RAB11FIP1: variants seen among roughly 807,000 people sequenced by gnomAD.
RAB11FIP1 encodes the protein rab11 family-interacting protein 1.
RAB11FIP1 carries 49 observed loss-of-function variants against 83.1 expected under a neutral mutation model. That is an observed-to-expected ratio of 0.59 (90% CI 0.47 to 0.75). The LOEUF (loss-of-function observed/expected upper bound fraction) is 0.75. Ranked by LOEUF, RAB11FIP1 falls within the 30% of genes least tolerant of loss-of-function variation. The pLI, the probability that RAB11FIP1 is intolerant of heterozygous loss-of-function variation, is 0.00. For synonymous variants in RAB11FIP1, 670 were observed against 656.0 expected (o/e 1.02, Z -0.33); for missense variants, 1,536 against 1,598.7 (o/e 0.96, Z 0.67).
intron 1 of RAB11FIP1, among the ~76,000 whole-genome samples, chr8:37,885,484 A>G (rs1290941026): frequency 6.6e-6 from 1 of 151,972 alleles, no homozygotes. Flanking sequence ...GACAAGCAAA[A>G]CTGTGTATTA....
chr8:37,871,831 A>G lies in RAB11FIP1; in HGVS notation c.2971T>C (p.Ser991Pro). The G allele has an allele frequency of 1.2e-6, 2 of 1,614,112 alleles. No individual in the cohort carries two copies. Among genetic ancestry groups the G allele is most frequent in the African/African-American group, 2.7e-5 (2 of 75,014 alleles). ...AAAGCTCCTATGTCCAGAGTTGACG[A>G]CTTTGCTGTCTCTCCATCATCTTCA... ...QVEDDGETAK[S>P]STLDIGALSL... The change falls in exon 4 of 6, where the codon TCG (serine) becomes CCG (proline). Residue 991 changes from serine to proline, a missense_variant. Physicochemically the swap from Ser to Pro is moderately conservative, Grantham distance 74. Transcript: ENST00000330843.
intron 3 of RAB11FIP1, among the ~76,000 whole-genome samples, chr8:37,873,861 G>A (rs369329774): frequency 4.9e-5 from 7 of 143,664 alleles, no homozygotes; most frequent in African/African-American, 2.0e-4. Flanking sequence ...CAGTGTGTAT[G>A]TGTGTGTATA....
At position 37,899,054 on chromosome 8, in the gene RAB11FIP1, T is replaced by A. The variant is rs1486192038; in HGVS notation, c.371+17A>T. 6.8e-7 allele frequency: 1 copy of A among 1,460,576 alleles called. No individual in the cohort carries two copies. The highest frequency in any genetic ancestry group is 1.5e-5 in the African/African-American group (1 of 67,530). 90.5% of individuals were successfully genotyped at this position (1,460,576 alleles called of 1,614,324 possible). A position where few individuals can be genotyped will look rare whatever the true frequency, so the allele number is the denominator to read the frequency against. The stretch of plus-strand genomic sequence containing the variant: ...CGCGCCCCCAGGCCGGGCCCTCCCC[T>A]CCCCGCCCGCACTCACTGCGTCTTC... On this transcript the variant is annotated intron_variant, in intron 1 of 5. Transcript: ENST00000330843. The surrounding 1 kb of genome is among the most constrained non-coding windows in gnomAD (Gnocchi z 4.5).
intron 1 of RAB11FIP1, among the ~76,000 whole-genome samples, chr8:37,894,413 C>T (rs1003775370): frequency 2.0e-5 from 3 of 151,970 alleles, no homozygotes; most frequent in Admixed American, 6.6e-5. Context: ...TGCAGTTCTT[C>T]CAAGTATCTA....
At chr8:37,878,818 T>C (rs1242980551) in intron 1 of RAB11FIP1, among the ~76,000 whole-genome samples, 2 of 148,454 alleles carry the variant, frequency 1.3e-5, no homozygotes, top group South Asian at 2.2e-4. Flanking sequence ...TGGGCAATAT[T>C]GCGAGACTCC....
chr8:37,888,959 A>G (rs952267774), intron 1 of RAB11FIP1, among the ~76,000 whole-genome samples: 3 of 151,380 alleles, frequency 2.0e-5, no homozygotes, highest in African/African-American at 7.3e-5. Context: ...CACCGCGCCC[A>G]GCTAAATTTT....
At position 37,861,661 on chromosome 8, in the gene RAB11FIP1, T is replaced by A. The variant is rs1444379600; in HGVS notation, c.*1234A>T. ...TGGAGTGCAGTGGCACGATCTTGGC[T>A]CGCTGCAGCCTCCATCTCCCAAGTT... On this transcript the variant is annotated 3_prime_UTR_variant, in exon 6 of 6. Transcript: ENST00000330843. The A allele has an allele frequency of 4.1e-5, 17 of 418,446 alleles. No individual in the cohort carries two copies. Among genetic ancestry groups the A allele is most frequent in the Non-Finnish European group, 4.6e-6 (1 of 216,540 alleles). 25.9% of individuals were successfully genotyped at this position (418,446 alleles called of 1,614,324 possible). A position where few individuals can be genotyped will look rare whatever the true frequency, so the allele number is the denominator to read the frequency against.
At position 37,872,244 on chromosome 8, in the gene RAB11FIP1, G is replaced by T; in HGVS notation, c.2558C>A (p.Pro853His). Reference sequence around the variant, plus strand: ...GTCCTCTGCGTGGGGAGACTCAGGAGGCTCTCCGTCAGACGCGTTTCCAGC... The same window carrying T: ...GTCCTCTGCGTGGGGAGACTCAGGATGCTCTCCGTCAGACGCGTTTCCAGC... ...SVAGNASDGE[P>H]PESPHAEDSE... The change falls in exon 4 of 6, where the codon CCT (proline) becomes CAT (histidine). Residue 853 changes from proline to histidine, a missense_variant. Coordinates refer to ENST00000330843, the MANE Select transcript of RAB11FIP1 (RefSeq NM_001002814.3). 1 of 1,614,066 alleles carries T rather than the reference G, an allele frequency of 6.2e-7. No individual in the cohort carries two copies. Among genetic ancestry groups the T allele is most frequent in the African/African-American group, 1.3e-5 (1 of 75,032 alleles).
intron 1 of RAB11FIP1, 179 bp from the exon 2 acceptor site, chr8:37,877,730 T>C (rs1806647665): frequency 1.8e-6 from 1 of 541,062 alleles, no homozygotes; most frequent in South Asian, 2.5e-5. Context: ...TTTTTTTTTT[T>C]TTTTTTTGAC....
chr8:37,889,093 G>A (rs1031317404), intron 1 of RAB11FIP1, among the ~76,000 whole-genome samples: 7 of 152,002 alleles, frequency 4.6e-5, no homozygotes, highest in Non-Finnish European at 1.0e-4. Flanking sequence ...CACCGCGCCC[G>A]GCTTTACTTT....
rs1326272323 is a variant in RAB11FIP1, at chr8:37,878,692, TA to T, written c.372-1142del. 8.7e-3 allele frequency among the ~76,000 whole-genome samples: 1,142 copies of T among 131,942 alleles called. 8 individuals carry two copies. The highest frequency in any genetic ancestry group is 0.024 in the African/African-American group (874 of 35,972). The allele number at this position is 131,942 out of a possible 152,430, so 86.6% of individuals were successfully genotyped here. A position where few individuals can be genotyped will look rare whatever the true frequency, so the allele number is the denominator to read the frequency against. On this transcript the variant is annotated intron_variant, in intron 1 of 5. Coordinates refer to ENST00000330843, the MANE Select transcript of RAB11FIP1 (RefSeq NM_001002814.3). Reference sequence around the variant, plus strand: ...AAATAATAATAATACAACACAGAATTAAAAAAAAAAAAAAAGTGGGGAGGGG... The same window carrying T: ...AAATAATAATAATACAACACAGAATTAAAAAAAAAAAAAAGTGGGGAGGGG...
At chr8:37,875,527 T>A (rs776037326) in intron 2 of RAB11FIP1, among the ~76,000 whole-genome samples, 2 of 152,162 alleles carry the variant, frequency 1.3e-5, no homozygotes, top group Non-Finnish European at 2.9e-5. Context: ...AAGGCCTGTC[T>A]AGTCTAAACT....
At chr8:37,865,326 T>TC (rs1391483027) in intron 5 of RAB11FIP1, among the ~76,000 whole-genome samples, 1 of 151,056 alleles carries the variant, frequency 6.6e-6, no homozygotes, top group African/African-American at 2.4e-5. Flanking sequence ...TTTTTTTTTT[T>TC]TTTCTTTTTT....
rs1236140691 is a variant in RAB11FIP1, at chr8:37,874,954, G to A, written c.1183C>T (p.Leu395=). 2 of 1,614,180 alleles carry A rather than the reference G, an allele frequency of 1.2e-6. No homozygotes were observed. The highest frequency in any genetic ancestry group is 3.3e-5 in the Admixed American group (2 of 60,016). Residue 395 remains leucine, a synonymous_variant, in exon 3 of 6, where the codon CTG becomes TTG. Transcript: ENST00000330843. ...STKDSLKSMT[L]PSYRPAPLVS... ...AGTGGGGCAGGTCGGTAGGACGGCA[G>A]GGTCATAGACTTCAAGGAGTCCTTG...
rs1806174509 is a variant in RAB11FIP1, at chr8:37,858,712, TG to T, written c.*4182del. On this transcript the variant is annotated 3_prime_UTR_variant, in exon 6 of 6. Coordinates refer to ENST00000330843, the MANE Select transcript of RAB11FIP1 (RefSeq NM_001002814.3). Reference sequence around the variant, plus strand: ...AACTCAGTTTCTCTGGCCAGTGCCATGGTCCCTCAGGCCAAGATGAAGGGTG... The same window carrying T: ...AACTCAGTTTCTCTGGCCAGTGCCATGTCCCTCAGGCCAAGATGAAGGGTG... 6.6e-6 allele frequency: 1 copy of T among 152,256 alleles called. No homozygotes were observed. Among genetic ancestry groups the T allele is most frequent in the African/African-American group, 2.4e-5 (1 of 41,454 alleles). The allele number at this position is 152,256 out of a possible 1,614,324, so 9.4% of individuals were successfully genotyped here. A position where few individuals can be genotyped will look rare whatever the true frequency, so the allele number is the denominator to read the frequency against.
chr8:37,894,437 C>T (rs1237962713), intron 1 of RAB11FIP1, among the ~76,000 whole-genome samples: 1 of 151,774 alleles, frequency 6.6e-6, no homozygotes, highest in Non-Finnish European at 1.5e-5. Context: ...CTTTATAATA[C>T]CTAAGTCCTT....
rs2130139379 is a variant in RAB11FIP1 at position 37,871,649 on chromosome 8, A to G, written c.3153T>C (p.Ile1051=). The change falls in exon 4 of 6, where the codon ATT becomes ATC. Residue 1051 remains isoleucine, a synonymous_variant. Coordinates refer to ENST00000330843, the MANE Select transcript of RAB11FIP1 (RefSeq NM_001002814.3). The part of the protein sequence containing the change: ...APSEQTTEFG[I]HKPHLGKSSS... ...AGCTCTTGCCAAGATGTGGTTTGTG[A>G]ATTCCGAACTCTGTGGTCTGCTCTG... 2 of 1,611,252 alleles carry G rather than the reference A, an allele frequency of 1.2e-6. No homozygotes were observed. The highest frequency in any genetic ancestry group is 3.3e-4 in the Middle Eastern group (2 of 6,054).
At chr8:37,875,987 G>C (rs1048498654) in intron 2 of RAB11FIP1, among the ~76,000 whole-genome samples, 3 of 152,104 alleles carry the variant, frequency 2.0e-5, no homozygotes, top group African/African-American at 7.2e-5. Context: ...TTGAGGTCAG[G>C]AGTTCAAAAC....
intron 1 of RAB11FIP1, among the ~76,000 whole-genome samples, chr8:37,893,183 T>C (rs1377034967): frequency 6.6e-6 from 1 of 151,700 alleles, no homozygotes; most frequent in Non-Finnish European, 1.5e-5. Flanking sequence ...CAAGCAATTA[T>C]CCTGCTTCAG....
Sources: allele counts gnomAD v4.1 joint callset (sites outside exome capture counted in the v4.1 genomes callset), GRCh38; gene constraint gnomAD v4.1.1; non-coding constraint Gnocchi (gnomAD v3.1); transcripts MANE v1.5; gene names NCBI Gene and HGNC (gene_info 2026-07-23, HGNC 2026-07-21).